NDUFAF2: variants seen among roughly 807,000 people sequenced by gnomAD.
NDUFAF2 encodes the protein NADH dehydrogenase [ubiquinone] 1 alpha subcomplex assembly factor 2.
In NDUFAF2, 13 loss-of-function variants were observed where a neutral mutation model predicts 22.8. The ratio of observed to expected loss-of-function variants is 0.57; its 90% confidence interval spans 0.37 to 0.91. The LOEUF (loss-of-function observed/expected upper bound fraction) is 0.91. NDUFAF2 is among the 40% of genes least tolerant of loss of function. NDUFAF2 has a pLI of 0.01. For missense variants in NDUFAF2, 162 were observed against 195.2 expected (o/e 0.83, Z 1.01); for synonymous variants, 53 against 64.2 (o/e 0.83, Z 0.84).
At chr5:61,127,769 A>T (rs909147243) in intron 3 of NDUFAF2, among the ~76,000 whole-genome samples, 1 of 152,200 alleles carries the variant, frequency 6.6e-6, no homozygotes. Flanking sequence ...CTCCTATTCA[A>T]CATAGTGTTG....
At chr5:61,076,217 C>T (rs1485609427) in intron 2 of NDUFAF2, among the ~76,000 whole-genome samples, 2 of 151,998 alleles carry the variant, frequency 1.3e-5, no homozygotes, top group Non-Finnish European at 2.9e-5. Context: ...ACTACAGGTG[C>T]CCGCCACCAC....
intron 3 of NDUFAF2, among the ~76,000 whole-genome samples, chr5:61,105,606 A>G (rs1265520045): frequency 2.1e-5 from 3 of 144,842 alleles, no homozygotes; most frequent in Non-Finnish European, 3.0e-5. Flanking sequence ...ACATGGATAA[A>G]TCTCAGAAGC....
At chr5:61,070,115 A>G (rs1233590711) in intron 1 of NDUFAF2, among the ~76,000 whole-genome samples, 2 of 152,274 alleles carry the variant, frequency 1.3e-5, no homozygotes, top group Admixed American at 6.5e-5. Flanking sequence ...TTGAACCTAC[A>G]CATATATTGG....
chr5:61,107,013 C>T (rs891587778), intron 3 of NDUFAF2, among the ~76,000 whole-genome samples: 2 of 134,950 alleles, frequency 1.5e-5, no homozygotes, highest in Admixed American at 7.9e-5. Context: ...GGTATCTCTT[C>T]GATATTCTGA....
At chr5:61,090,858 G>A (rs1752558314) in intron 2 of NDUFAF2, among the ~76,000 whole-genome samples, 1 of 151,892 alleles carries the variant, frequency 6.6e-6, no homozygotes, top group Non-Finnish European at 1.5e-5. Context: ...CCCTCCAATA[G>A]GCTTCAGTGT....
chr5:60,996,474 T>C (rs1456784833), intron 1 of NDUFAF2, among the ~76,000 whole-genome samples: 1 of 151,572 alleles, frequency 6.6e-6, no homozygotes, highest in Admixed American at 6.6e-5. Context: ...AAGGAAGGGG[T>C]CTATTTTGGA....
chr5:61,052,388 G>C (rs889246670), intron 1 of NDUFAF2, among the ~76,000 whole-genome samples: 9 of 152,088 alleles, frequency 5.9e-5, no homozygotes, highest in African/African-American at 1.7e-4. Flanking sequence ...TCTGCTTACT[G>C]CAAGCTCCGC....
At chr5:60,974,789 TTGTG>T (rs1294273801) in intron 1 of NDUFAF2, among the ~76,000 whole-genome samples, 1 of 151,912 alleles carries the variant, frequency 6.6e-6, no homozygotes, top group Non-Finnish European at 1.5e-5. Context: ...TTACTGAGAT[TTGTG>T]TTTGTTTGTT....
chr5:61,023,771 C>T (rs1194021777), intron 1 of NDUFAF2, among the ~76,000 whole-genome samples: 1 of 152,040 alleles, frequency 6.6e-6, no homozygotes, highest in Non-Finnish European at 1.5e-5. Flanking sequence ...TCATGGGCCA[C>T]GTTTTTCTAG....
chr5:60,984,570 C>T (rs570274804), intron 1 of NDUFAF2, among the ~76,000 whole-genome samples: 1 of 152,178 alleles, frequency 6.6e-6, no homozygotes, highest in Admixed American at 6.5e-5. Context: ...GAGATACGTC[C>T]CATCAATACC....
chr5:61,065,185 AATAAAG>A (rs1434264123), intron 1 of NDUFAF2, among the ~76,000 whole-genome samples: 2 of 152,154 alleles, frequency 1.3e-5, no homozygotes, highest in African/African-American at 4.8e-5. Flanking sequence ...GACCAATATT[AATAAAG>A]ACATTAAAGA....
chr5:61,127,285 A>G (rs910510640), intron 3 of NDUFAF2, among the ~76,000 whole-genome samples: 5 of 152,200 alleles, frequency 3.3e-5, no homozygotes, highest in African/African-American at 9.7e-5. Flanking sequence ...AACTCATTTT[A>G]TGAGGCCAGC....
chr5:61,066,756 G>C (rs1752233277), intron 1 of NDUFAF2, among the ~76,000 whole-genome samples: 1 of 152,040 alleles, frequency 6.6e-6, no homozygotes, highest in Non-Finnish European at 1.5e-5. Flanking sequence ...TATGTAAATA[G>C]TTGTTATACT....
intron 1 of NDUFAF2, among the ~76,000 whole-genome samples, chr5:61,068,242 AT>A (rs1227489121): frequency 2.6e-5 from 4 of 151,990 alleles, no homozygotes; most frequent in Admixed American, 6.6e-5. Context: ...CATTTTTAGT[AT>A]TTTTTAACTT....
intron 1 of NDUFAF2, among the ~76,000 whole-genome samples, chr5:60,974,709 A>T (rs1472648256): frequency 6.6e-6 from 1 of 152,030 alleles, no homozygotes; most frequent in Non-Finnish European, 1.5e-5. Context: ...CTCTTCTGGG[A>T]ATTTTCTCAG....
intron 1 of NDUFAF2, among the ~76,000 whole-genome samples, chr5:61,041,643 C>G (rs928938056): frequency 4.6e-5 from 7 of 152,234 alleles, no homozygotes; most frequent in African/African-American, 1.7e-4. Context: ...TTATAAGCAA[C>G]GTTTAGTTTA....
chr5:61,107,013 C>CGATATTCT (rs1191545070), intron 3 of NDUFAF2, among the ~76,000 whole-genome samples: 1 of 134,950 alleles, frequency 7.4e-6, no homozygotes, highest in African/African-American at 2.8e-5. Flanking sequence ...GGTATCTCTT[C>CGATATTCT]GATATTCTGA....
At chr5:60,959,725 A>C (rs1272484970) in intron 1 of NDUFAF2, among the ~76,000 whole-genome samples, 5 of 152,110 alleles carry the variant, frequency 3.3e-5, no homozygotes, top group Non-Finnish European at 7.4e-5. Flanking sequence ...ATAAAATAGT[A>C]ATTTAAAAGT....
chr5:61,149,550 TG>T (rs1312869318), intron 3 of NDUFAF2, among the ~76,000 whole-genome samples: 35 of 152,264 alleles, frequency 2.3e-4, no homozygotes, highest in Admixed American at 2.2e-3. Context: ...AAGTAAATCA[TG>T]GTACAATACT....
Sources: gnomAD v4.1 joint callset for allele counts (sites outside exome capture counted in the v4.1 genomes callset) on GRCh38, gnomAD v4.1.1 for gene constraint, MANE v1.5 for transcripts, NCBI Gene and HGNC (gene_info 2026-07-23, HGNC 2026-07-21) for gene names.